Variants in STAT3 observed in about 807,000 individuals in gnomAD.
The protein encoded by STAT3 is DNA-binding protein APRF.
A neutral mutation model predicts 114.3 loss-of-function variants in STAT3; 7 were observed. That is an observed-to-expected ratio of 0.06 (90% CI 0.03 to 0.11). The LOEUF is 0.11. Among genes scored for constraint, STAT3 ranks in the 10% least tolerant of loss-of-function variants. The probability of loss-of-function intolerance (pLI) is 1.00; values close to 1 mark genes in which losing one functional copy is unlikely to be tolerated. For synonymous variants in STAT3, 331 were observed against 354.5 expected, an observed-to-expected ratio of 0.93 and a Z score of 0.74; for missense variants, 364 against 960.9, an observed-to-expected ratio of 0.38 and a Z score of 8.21.
At chr17:42,355,331 T>C (rs1166138915) in intron 1 of STAT3, among the ~76,000 whole-genome samples, 1 of 152,194 alleles carries the variant, frequency 6.6e-6, no homozygotes. Context: ...TGTGACTTAA[T>C]AACTACTTCA....
Position 42,337,340 on chromosome 17 carries a change from T to G in STAT3, c.797+95A>C. On this transcript the variant is annotated intron_variant, in intron 8 of 23. Coordinates refer to ENST00000264657, the MANE Select transcript of STAT3 (RefSeq NM_139276.3). The surrounding 1 kb of genome is among the most constrained non-coding windows in gnomAD (Gnocchi z 4.0). The stretch of plus-strand genomic sequence containing the variant: ...ATTTGAATATGGAAAAGTCCCCACG[T>G]TGGAGATATAGTACCAATTCTGTGG... 2.2e-5 allele frequency: 34 copies of G among 1,512,516 alleles called. No homozygotes were observed. The highest frequency in any genetic ancestry group is 2.9e-5 in the Non-Finnish European group (32 of 1,117,238). 93.7% of individuals were successfully genotyped at this position (1,512,516 alleles called of 1,614,324 possible).
chr17:42,326,768 C>T (rs943789769), intron 14 of STAT3, among the ~76,000 whole-genome samples: 7 of 151,520 alleles, frequency 4.6e-5, no homozygotes, highest in East Asian at 3.9e-4. Flanking sequence ...TGCAGTGAGC[C>T]GAGATCACGC....
chr17:42,369,974 T>C (rs1441821762), intron 1 of STAT3, among the ~76,000 whole-genome samples: 3 of 151,928 alleles, frequency 2.0e-5, no homozygotes, highest in African/African-American at 7.3e-5. Flanking sequence ...GTGTTGGTTT[T>C]TTGTTGTTGT....
rs533889409 is a variant in STAT3, at chr17:42,345,358, T to C, written c.372+201A>G. The C allele has an allele frequency of 2.3e-3, 1,331 of 569,692 alleles. 6 individuals carry two copies. The highest frequency in any genetic ancestry group is 3.3e-3 in the Non-Finnish European group (1,093 of 329,342). The allele number at this position is 569,692 out of a possible 1,614,324, so 35.3% of individuals were successfully genotyped here. On this transcript the variant is annotated intron_variant, in intron 4 of 23. Transcript: ENST00000264657. ...CTGTTGGATTCTTTTGGTGGAACTT[T>C]CTTTTTTTTAGAGTTTTTCAATGTA...
At position 42,313,529 on chromosome 17, in the gene STAT3, G is replaced by C; in HGVS notation, c.*2216C>G. ...GGTAAGCAACCCACGGGATTCCCTC[G>C]GCTGGGCTGGGGATGGGGAGGGGGC... On this transcript the variant is annotated 3_prime_UTR_variant, in exon 24 of 24. Transcript: ENST00000264657. 1 of 231,260 alleles carries C rather than the reference G, an allele frequency of 4.3e-6. No individual in the cohort carries two copies. Among genetic ancestry groups the C allele is most frequent in the East Asian group, 6.1e-5 (1 of 16,388 alleles). The allele number at this position is 231,260 out of a possible 1,614,324, so 14.3% of individuals were successfully genotyped here. A position where few individuals can be genotyped will look rare whatever the true frequency, so the allele number is the denominator to read the frequency against.
chr17:42,322,738 A>C (rs1221597925), intron 20 of STAT3, among the ~76,000 whole-genome samples: 1 of 152,266 alleles, frequency 6.6e-6, no homozygotes, highest in Non-Finnish European at 1.5e-5. Flanking sequence ...AAGATATATT[A>C]ACAGGGTTAA....
intron 1 of STAT3, among the ~76,000 whole-genome samples, chr17:42,359,389 G>A (rs958043617): frequency 1.3e-5 from 2 of 152,156 alleles, no homozygotes; most frequent in Non-Finnish European, 2.9e-5. Context: ...ATATCGGGAG[G>A]GAAGGAGTCA....
rs1567700908 is a variant in STAT3 at position 42,315,712 on chromosome 17, T to C, written c.*33A>G. 4 of 1,607,316 alleles carry C rather than the reference T, an allele frequency of 2.5e-6. No homozygotes were observed. The South Asian group carries it at 4.4e-5, about 18-fold the overall frequency. ...GGCAGAATGCAGGTAGGCGCCTCAG[T>C]CGTATCTTTCTGCAGCTTCCGTTCT... On this transcript the variant is annotated 3_prime_UTR_variant, in exon 24 of 24. Coordinates refer to ENST00000264657, the MANE Select transcript of STAT3 (RefSeq NM_139276.3).
intron 21 of STAT3, among the ~76,000 whole-genome samples, chr17:42,319,767 T>C (rs1251809445): frequency 2.6e-5 from 4 of 151,776 alleles, no homozygotes; most frequent in Non-Finnish European, 5.9e-5. Flanking sequence ...GTGATGGAAA[T>C]AGAGAGGAAA....
At position 42,337,672 on chromosome 17, in the gene STAT3, T is replaced by G; in HGVS notation, c.646-86A>C. ...TTTAGTCAACTCCAGAGCAGGAACT[T>G]CTTAGAAACCAAGCAAGTTCTGCCA... On this transcript the variant is annotated intron_variant, in intron 7 of 23. Transcript: ENST00000264657. The surrounding 1 kb of genome is among the most constrained non-coding windows in gnomAD (Gnocchi z 4.0). The G allele has an allele frequency of 1.2e-6, 2 of 1,613,796 alleles. No homozygotes were observed. Among genetic ancestry groups the G allele is most frequent in the Non-Finnish European group, 1.7e-6 (2 of 1,179,736 alleles).
At chr17:42,325,197 G>A in intron 15 of STAT3, 136 bp from the exon 16 acceptor site, 1 of 757,476 alleles carries the variant, frequency 1.3e-6, no homozygotes, top group Non-Finnish European at 2.2e-6. Flanking sequence ...TCTAGGCGAG[G>A]AGTGTGAGTG....
chr17:42,331,260 A>C (rs2081999200), intron 11 of STAT3, among the ~76,000 whole-genome samples: 1 of 152,244 alleles, frequency 6.6e-6, no homozygotes, highest in Non-Finnish European at 1.5e-5. Flanking sequence ...ACTGGTTGTC[A>C]CAATAGCAAC....
intron 1 of STAT3, among the ~76,000 whole-genome samples, chr17:42,362,718 T>C (rs1306280087): frequency 1.3e-5 from 2 of 152,176 alleles, no homozygotes; most frequent in African/African-American, 4.8e-5. Flanking sequence ...ATCGAGCTAA[T>C]GAACACGTAG....
At chr17:42,383,388 C>T (rs950053415) in intron 1 of STAT3, among the ~76,000 whole-genome samples, 3 of 145,166 alleles carry the variant, frequency 2.1e-5, no homozygotes, top group African/African-American at 7.7e-5. Flanking sequence ...TTTAAAGAAA[C>T]AAAGTGGTCT....
chr17:42,344,799 C>T (rs1419950989), intron 4 of STAT3, among the ~76,000 whole-genome samples: 2 of 151,342 alleles, frequency 1.3e-5, no homozygotes, highest in African/African-American at 2.4e-5. Flanking sequence ...GCAATCTGCC[C>T]GTCTCAGCCT....
At chr17:42,367,097 G>A (rs937426283) in intron 1 of STAT3, among the ~76,000 whole-genome samples, 6 of 151,904 alleles carry the variant, frequency 3.9e-5, no homozygotes, top group South Asian at 4.2e-4. Flanking sequence ...AGCTGAGATC[G>A]CGCCACTGCA....
Position 42,325,068 on chromosome 17 carries a change from A to G in STAT3, c.1366-7T>C. The G allele has an allele frequency of 6.2e-7, 1 of 1,613,744 alleles. No individual in the cohort carries two copies. Among genetic ancestry groups the G allele is most frequent in the East Asian group, 2.2e-5 (1 of 44,876 alleles). ...CAACTGGCAAGGAGTGGGTCTGCGG[A>G]GGGAGTGGGGACTGAGCTGGGGAGG... On this transcript the variant is annotated splice_region_variant and splice_polypyrimidine_tract_variant and intron_variant, in intron 15 of 23. Coordinates refer to ENST00000264657, the MANE Select transcript of STAT3 (RefSeq NM_139276.3).
In STAT3 at chr17:42,332,537, C is replaced by CAA. The variant is rs759010924; in HGVS notation, c.1050-1008_1050-1007dup. On this transcript the variant is annotated intron_variant, in intron 10 of 23. Coordinates refer to ENST00000264657, the MANE Select transcript of STAT3 (RefSeq NM_139276.3). ...TGGGTGATAGAGAAAGACTCCATCT[C>CAA]AAAAAAAAAAAAAAAAAAAAAAAGG... 3.3e-3 allele frequency among the ~76,000 whole-genome samples: 133 copies of CAA among 40,272 alleles called. 1 individual carries two copies. Among genetic ancestry groups the CAA allele is most frequent in the African/African-American group, 5.7e-3 (90 of 15,672 alleles). 26.4% of individuals were successfully genotyped at this position (40,272 alleles called of 152,430 possible).
Position 42,343,002 on chromosome 17 carries a change from CA to C in STAT3, c.372+2556del, listed in dbSNP as rs757011535. Among the ~76,000 whole-genome samples the C allele has an allele frequency of 3.0e-3, 346 of 115,576 alleles. 2 individuals are homozygous for C. Among genetic ancestry groups the C allele is most frequent in the Middle Eastern group, 8.5e-3 (2 of 234 alleles). 75.8% of individuals were successfully genotyped at this position (115,576 alleles called of 152,430 possible). ...AAACATGGCAAGAGCCCATCTCTAC[CA>C]AAAAAAAAAAAAAAAAAAATTAGCT... On this transcript the variant is annotated intron_variant, in intron 4 of 23. Coordinates refer to ENST00000264657, the MANE Select transcript of STAT3 (RefSeq NM_139276.3).
Sources: allele counts gnomAD v4.1 joint callset (sites outside exome capture counted in the v4.1 genomes callset), GRCh38; gene constraint gnomAD v4.1.1; non-coding constraint Gnocchi (gnomAD v3.1); transcripts MANE v1.5; gene names NCBI Gene and HGNC (gene_info 2026-07-23, HGNC 2026-07-21).